Variants in PTPRT observed in about 807,000 individuals in gnomAD.
PTPRT encodes the protein protein tyrosine phosphatase receptor type T.
In PTPRT, 56 loss-of-function variants were observed where a neutral mutation model predicts 176.8. The ratio of observed to expected loss-of-function variants is 0.32; its 90% CI spans 0.26 to 0.40. The LOEUF is 0.40. Among genes scored for constraint, PTPRT ranks in the 10% least tolerant of loss-of-function variants. PTPRT has a pLI of 1.00. For synonymous variants in PTPRT, 783 were observed against 739.0 expected (o/e 1.06, Z -0.96); for missense variants, 1,540 against 1,908.2 (o/e 0.81, Z 3.60).
chr20:42,680,516 A>G (rs955069665), intron 6 of PTPRT, among the ~76,000 whole-genome samples: 3 of 152,048 alleles, frequency 2.0e-5, no homozygotes, highest in African/African-American at 7.2e-5. Flanking sequence ...GCCATTATCA[A>G]CTCTCCAGAG....
chr20:42,403,230 C>A (rs1241561105), intron 9 of PTPRT, among the ~76,000 whole-genome samples: 1 of 152,062 alleles, frequency 6.6e-6, no homozygotes, highest in African/African-American at 2.4e-5. Flanking sequence ...TATTGAACAT[C>A]CTTATCAACA....
intron 1 of PTPRT, among the ~76,000 whole-genome samples, chr20:43,123,149 C>T (rs534553883): frequency 2.0e-5 from 3 of 152,304 alleles, no homozygotes; most frequent in Admixed American, 6.5e-5. Context: ...CCACTGCACC[C>T]GGCCCCCTGG....
intron 11 of PTPRT, among the ~76,000 whole-genome samples, chr20:42,350,236 T>TTTG (rs2058261664): frequency 7.0e-6 from 1 of 142,984 alleles, no homozygotes; most frequent in Admixed American, 6.9e-5. Context: ...TTTTTTTTTT[T>TTTG]TTTTTTTTTT....
chr20:42,187,991 A>G (rs1471060229), intron 16 of PTPRT, among the ~76,000 whole-genome samples: 1 of 152,218 alleles, frequency 6.6e-6, no homozygotes. Flanking sequence ...ATCACATTGT[A>G]TACAAAATGC....
intron 6 of PTPRT, among the ~76,000 whole-genome samples, chr20:42,692,098 A>T (rs969472965): frequency 1.3e-5 from 2 of 152,218 alleles, no homozygotes; most frequent in Non-Finnish European, 2.9e-5. Context: ...GGTGTTGGGT[A>T]GGTTTGAATT....
rs990394702 is a variant in PTPRT, at chr20:42,076,717, C to T, written c.*4162G>A. The T allele has an allele frequency of 5.0e-6, 1 of 201,812 alleles. No individual in the cohort carries two copies. The highest frequency in any genetic ancestry group is 1.0e-5 in the Non-Finnish European group (1 of 99,090). 12.5% of individuals were successfully genotyped at this position (201,812 alleles called of 1,614,324 possible). A position where few individuals can be genotyped will look rare whatever the true frequency, so the allele number is the denominator to read the frequency against. On this transcript the variant is annotated 3_prime_UTR_variant, in exon 31 of 31. Transcript: ENST00000373187. Reference sequence around the variant, plus strand: ...TAGCGGGGTGAACAGAACAGAACAACATGAGGAACAGAGCACATTTTTTTT... The same window carrying T: ...TAGCGGGGTGAACAGAACAGAACAATATGAGGAACAGAGCACATTTTTTTT...
At chr20:42,127,816 G>A (rs1026738731) in intron 19 of PTPRT, among the ~76,000 whole-genome samples, 11 of 152,114 alleles carry the variant, frequency 7.2e-5, no homozygotes, top group East Asian at 1.9e-4. Context: ...TTCCTCAGTC[G>A]TCTCTGGAAT....
the PTPRT span, among the ~76,000 whole-genome samples, chr20:42,046,347 G>A: frequency 6.6e-6 from 1 of 152,248 alleles, no homozygotes; most frequent in African/African-American, 2.4e-5. Context: ...CCTGGGGGTT[G>A]AGAGGCTCAG....
chr20:42,793,046 G>T (rs942101901), intron 2 of PTPRT, among the ~76,000 whole-genome samples: 2 of 152,188 alleles, frequency 1.3e-5, no homozygotes, highest in African/African-American at 2.4e-5. Flanking sequence ...ACTGTGCCCA[G>T]ATCCCTAGGG....
At chr20:42,896,487 T>C (rs1341137035) in intron 1 of PTPRT, among the ~76,000 whole-genome samples, 1 of 151,672 alleles carries the variant, frequency 6.6e-6, no homozygotes, top group African/African-American at 2.4e-5. Context: ...AATACAAAAT[T>C]AGCCAGGCGT....
chr20:42,548,066 T>A (rs1023560537), intron 7 of PTPRT, among the ~76,000 whole-genome samples: 1 of 152,020 alleles, frequency 6.6e-6, no homozygotes, highest in Non-Finnish European at 1.5e-5. Flanking sequence ...GATAAGGTAA[T>A]GGACATGAAA....
intron 1 of PTPRT, among the ~76,000 whole-genome samples, chr20:42,983,254 C>A (rs1331856533): frequency 6.6e-6 from 1 of 152,234 alleles, no homozygotes. Flanking sequence ...CTGTCACAGC[C>A]ATGCTGAGTG....
intron 15 of PTPRT, among the ~76,000 whole-genome samples, chr20:42,233,322 T>C (rs1456476344): frequency 6.6e-6 from 1 of 152,230 alleles, no homozygotes; most frequent in Admixed American, 6.5e-5. Context: ...CATATGCATA[T>C]GACTCACATG....
intron 13 of PTPRT, among the ~76,000 whole-genome samples, chr20:42,265,346 T>C (rs947288114): frequency 6.6e-6 from 1 of 152,318 alleles, no homozygotes; most frequent in Middle Eastern, 3.4e-3. Flanking sequence ...TTTTTAATCA[T>C]CTGACCCTCA....
chr20:42,741,498 C>T (rs2076609611), intron 6 of PTPRT, among the ~76,000 whole-genome samples: 2 of 152,130 alleles, frequency 1.3e-5, no homozygotes, highest in Admixed American at 6.5e-5. Flanking sequence ...GCAACCACCA[C>T]CACACCCGGC....
intron 11 of PTPRT, among the ~76,000 whole-genome samples, chr20:42,332,664 C>T (rs1387117866): frequency 6.0e-5 from 9 of 150,846 alleles, no homozygotes; most frequent in South Asian, 4.2e-4. Context: ...TGAGAATAAA[C>T]GAAGTCTCTC....
rs529554781 is a variant in PTPRT at position 42,705,559 on chromosome 20, G to A, written c.860-27400C>T. 2.0e-5 allele frequency among the ~76,000 whole-genome samples: 3 copies of A among 152,218 alleles called. No individual in the cohort carries two copies. The East Asian group carries it at 5.8e-4, about 29-fold the overall frequency. On this transcript the variant is annotated intron_variant, in intron 6 of 30. Coordinates refer to ENST00000373187, the MANE Select transcript of PTPRT (RefSeq NM_007050.6). ...GTCACGATGGCTTGACCATGGTGTG[G>A]CTAGCTCAGAGGACCTTACAATAAT...
intron 1 of PTPRT, among the ~76,000 whole-genome samples, chr20:43,163,504 G>C (rs1480957983): frequency 6.6e-6 from 1 of 152,128 alleles, no homozygotes; most frequent in Non-Finnish European, 1.5e-5. Flanking sequence ...CAGGCGTGGT[G>C]GTGGGCGCCT....
At chr20:42,888,666 G>T in intron 1 of PTPRT, among the ~76,000 whole-genome samples, 1 of 152,110 alleles carries the variant, frequency 6.6e-6, no homozygotes, top group Admixed American at 6.5e-5. Context: ...CACTTATAAG[G>T]TAATAAGAGG....
Sources: allele counts gnomAD v4.1 joint callset (sites outside exome capture counted in the v4.1 genomes callset), GRCh38; gene constraint gnomAD v4.1.1; transcripts MANE v1.5; gene names NCBI Gene and HGNC (gene_info 2026-07-23, HGNC 2026-07-21).